LRRC66: variants seen among roughly 807,000 people sequenced by gnomAD.
LRRC66 encodes leucine rich repeat containing 66.
In LRRC66, 29 loss-of-function variants were observed where a neutral mutation model predicts 24.6. That is an observed-to-expected ratio of 1.18 (90% confidence interval 0.88 to 1.61). LRRC66 has a LOEUF of 1.61. Ranked by LOEUF, LRRC66 falls within the 40% of genes most tolerant of loss-of-function variation. The probability of loss-of-function intolerance (pLI) is 0.00; values close to 1 mark genes in which losing one functional copy is unlikely to be tolerated. For missense variants in LRRC66, 1,124 were observed against 1,058.0 expected, an observed-to-expected ratio of 1.06 and a Z score of -0.87; for synonymous variants, 411 against 397.6, an observed-to-expected ratio of 1.03 and a Z score of -0.40.
intron 2 of LRRC66, among the ~76,000 whole-genome samples, chr4:52,005,063 A>G (rs1402197151): frequency 6.6e-6 from 1 of 152,200 alleles, no homozygotes; most frequent in African/African-American, 2.4e-5. Context: ...TTCAGGGCAG[A>G]ATTCACATCT....
chr4:52,020,250 G>A (rs1409161983), intron 1 of LRRC66, among the ~76,000 whole-genome samples, 54 bp downstream of exon 1: 1 of 152,184 alleles, frequency 6.6e-6, no homozygotes, highest in Non-Finnish European at 1.5e-5. Flanking sequence ...AAGCAACAGA[G>A]GCTATTTCGG....
chr4:52,011,406 G>C (rs1320489852), intron 2 of LRRC66, among the ~76,000 whole-genome samples: 5 of 152,174 alleles, frequency 3.3e-5, no homozygotes, highest in Non-Finnish European at 5.9e-5. Flanking sequence ...GTGTGGTTCA[G>C]AGAGTCAGAG....
In LRRC66 at chr4:52,008,519, A is replaced by G. The variant is rs79236004; in HGVS notation, c.497-5127T>C. ...AATATTAATATATTTGATTGCCAAA[A>G]ATTTAAATTGAGTGTATGTCAGGAA... On this transcript the variant is annotated intron_variant, in intron 2 of 4. Coordinates refer to ENST00000682860, the MANE Select transcript of LRRC66 (RefSeq NM_001024611.3). 6.3e-4 allele frequency among the ~76,000 whole-genome samples: 96 copies of G among 152,154 alleles called. No homozygotes were observed. The East Asian group carries it at 0.018, about 28-fold the overall frequency.
intron 1 of LRRC66, chr4:52,018,317 CAA>C: frequency 5.1e-6 from 5 of 984,762 alleles, no homozygotes; most frequent in Non-Finnish European, 6.0e-6. Context: ...AGAAAAAATT[CAA>C]AGTTTTTAAA....
chr4:52,011,736 T>C (rs1413986419), intron 2 of LRRC66, among the ~76,000 whole-genome samples: 1 of 152,230 alleles, frequency 6.6e-6, no homozygotes, highest in Non-Finnish European at 1.5e-5. Context: ...CTATGTGTTA[T>C]AGTCTTGATG....
Position 51,994,069 on chromosome 4 carries a change from T to G in LRRC66, c.*310A>C. On this transcript the variant is annotated 3_prime_UTR_variant, in exon 5 of 5. Coordinates refer to ENST00000682860, the MANE Select transcript of LRRC66 (RefSeq NM_001024611.3). ...TGCTCCTGTGTTCTCAGTGAACTGG[T>G]TTTGTTTGGAGCTCTTGTAATAATG... The G allele has an allele frequency of 3.9e-6, 1 of 254,114 alleles. No individual in the cohort carries two copies. Among genetic ancestry groups the G allele is most frequent in the Non-Finnish European group, 7.5e-6 (1 of 133,736 alleles). 15.7% of individuals were successfully genotyped at this position (254,114 alleles called of 1,614,324 possible). A position where few individuals can be genotyped will look rare whatever the true frequency, so the allele number is the denominator to read the frequency against.
chr4:52,015,476 C>T (rs868688162), intron 2 of LRRC66, among the ~76,000 whole-genome samples: 1 of 152,192 alleles, frequency 6.6e-6, no homozygotes, highest in Admixed American at 6.5e-5. Flanking sequence ...CGATTTGATG[C>T]CTTGTTAGAG....
chr4:52,002,042 A>T (rs538319241), intron 3 of LRRC66, among the ~76,000 whole-genome samples: 5 of 152,324 alleles, frequency 3.3e-5, no homozygotes, highest in African/African-American at 1.2e-4. Flanking sequence ...GTCCTCAAAG[A>T]GCTTACATGT....
At chr4:52,012,579 C>T (rs1293947487) in intron 2 of LRRC66, among the ~76,000 whole-genome samples, 4 of 151,998 alleles carry the variant, frequency 2.6e-5, no homozygotes. Flanking sequence ...AATATTTTTG[C>T]TTGGTAAGCC....
rs1311336731 is a variant in LRRC66 at position 51,994,616 on chromosome 4, C to T, written c.2406G>A (p.Leu802=). The T allele has an allele frequency of 6.2e-7, 1 of 1,614,206 alleles. No homozygotes were observed. Among genetic ancestry groups the T allele is most frequent in the Non-Finnish European group, 8.5e-7 (1 of 1,180,034 alleles). ...TCCCTGGTGACCTGGGCCAGGGTGA[C>T]AGGCCCTCAGATCTATCAGTGTCAG... ...NASDTDRSEG[L]SPWPRSPGNS... is the part of the protein sequence containing the mutation. Residue 802 remains leucine (L), a synonymous_variant, in exon 5 of 5, where the codon CTG becomes CTA. Coordinates refer to ENST00000682860, the MANE Select transcript of LRRC66 (RefSeq NM_001024611.3).
chr4:52,015,173 T>C (rs763935383), intron 2 of LRRC66, among the ~76,000 whole-genome samples: 2 of 152,150 alleles, frequency 1.3e-5, no homozygotes, highest in African/African-American at 4.8e-5. Context: ...TCTTGCTCTT[T>C]CTCTCCATTC....
chr4:52,001,321 C>T (rs954005141), intron 3 of LRRC66, among the ~76,000 whole-genome samples: 2 of 152,070 alleles, frequency 1.3e-5, no homozygotes, highest in Admixed American at 6.6e-5. Context: ...TAACAGAAGT[C>T]GGCTCCAGGC....
rs142946985 is a variant in LRRC66 at position 52,011,203 on chromosome 4, G to A, written c.496+5915C>T. ...ACATAAAACAATATTCAGGGATTAT[G>A]GCTTTTAGTCCAAAGAGCAATAAGA... is the stretch of plus-strand genomic sequence containing the variant. On this transcript the variant is annotated intron_variant, in intron 2 of 4. Coordinates refer to ENST00000682860, the MANE Select transcript of LRRC66 (RefSeq NM_001024611.3). 1.7e-3 allele frequency among the ~76,000 whole-genome samples: 261 copies of A among 152,246 alleles called. 2 individuals carry two copies. The highest frequency in any genetic ancestry group is 5.9e-3 in the African/African-American group (244 of 41,546).
At chr4:52,001,455 A>G (rs906929377) in intron 3 of LRRC66, among the ~76,000 whole-genome samples, 6 of 152,172 alleles carry the variant, frequency 3.9e-5, no homozygotes, top group African/African-American at 1.4e-4. Context: ...GTGAAATCTT[A>G]GAAGTGTTTT....
Position 51,995,098 on chromosome 4 carries a change from C to A in LRRC66, c.1924G>T (p.Gly642Trp). 6.2e-7 allele frequency: 1 copy of A among 1,614,226 alleles called. No individual in the cohort carries two copies. The highest frequency in any genetic ancestry group is 1.7e-5 in the Admixed American group (1 of 60,028). ...GAAAGCGCTTCCTCAGCCCTTGCCC[C>A]GGACAGCCTTGGCTGCTGTATGCTC... ...LLSIQQPRLS[G>W]ARAEEALSAH... The change falls in exon 5 of 5, where the codon GGG becomes TGG. Residue 642 changes from glycine (G) to tryptophan (W), a missense_variant. Physicochemically the swap from Gly to Trp is radical, Grantham distance 184 (BLOSUM62 -2). Coordinates refer to ENST00000682860, the MANE Select transcript of LRRC66 (RefSeq NM_001024611.3).
chr4:52,014,472 T>A (rs1409296590), intron 2 of LRRC66, among the ~76,000 whole-genome samples: 4 of 152,232 alleles, frequency 2.6e-5, no homozygotes, highest in African/African-American at 9.6e-5. Context: ...ATACATTTTT[T>A]CATTTTATCC....
intron 2 of LRRC66, among the ~76,000 whole-genome samples, chr4:52,006,915 C>T (rs2110198896): frequency 6.6e-6 from 1 of 152,070 alleles, no homozygotes; most frequent in Admixed American, 6.5e-5. Flanking sequence ...TAAGAACTTG[C>T]CCAACAACAC....
At chr4:52,007,522 C>T (rs1003429883) in intron 2 of LRRC66, among the ~76,000 whole-genome samples, 3 of 134,812 alleles carry the variant, frequency 2.2e-5, no homozygotes, top group Non-Finnish European at 4.4e-5. Context: ...AAGAAAATCA[C>T]TTAAGGCCTC....
In LRRC66 at chr4:51,995,715, GGT is replaced by G. The variant is rs759660480; in HGVS notation, c.1305_1306del (p.Pro436ThrfsTer36). The G allele has an allele frequency of 6.2e-7, 1 of 1,614,120 alleles. No homozygotes were observed. Among genetic ancestry groups the G allele is most frequent in the Non-Finnish European group, 8.5e-7 (1 of 1,180,012 alleles). On this transcript the variant is annotated frameshift_variant, in exon 5 of 5. Coordinates refer to ENST00000682860, the MANE Select transcript of LRRC66 (RefSeq NM_001024611.3). LOFTEE classifies it low-confidence loss of function (END_TRUNC). Reference sequence around the variant, plus strand: ...TTGGCGCAGATGGGTCTCTGGGTGTGGTGTGTGCCCCGCAGCTTCCATGTCAT... The same window carrying G: ...TTGGCGCAGATGGGTCTCTGGGTGTGGTGTGCCCCGCAGCTTCCATGTCAT...
Sources: gnomAD v4.1 joint callset for allele counts (sites outside exome capture counted in the v4.1 genomes callset) on GRCh38, gnomAD v4.1.1 for gene constraint, MANE v1.5 for transcripts, NCBI Gene and HGNC (gene_info 2026-07-23, HGNC 2026-07-21) for gene names.